Variants in FGF1 observed in about 807,000 individuals in gnomAD.
FGF1 encodes the protein fibroblast growth factor 1.
In FGF1, 9 loss-of-function variants were observed where a neutral mutation model predicts 13.4. That is an observed-to-expected ratio of 0.67 (90% CI 0.40 to 1.17). The LOEUF (loss-of-function observed/expected upper bound fraction) is 1.17, where lower values mean the gene tolerates loss of function less well. FGF1 is among the 50% of genes most tolerant of loss of function. The probability of loss-of-function intolerance (pLI) is 0.01; values close to 1 mark genes in which losing one functional copy is unlikely to be tolerated. For synonymous variants in FGF1, 93 were observed against 79.0 expected (o/e 1.18, Z -0.94); for missense variants, 156 against 192.7 (o/e 0.81, Z 1.13).
intron 2 of FGF1, among the ~76,000 whole-genome samples, chr5:142,608,931 T>C (rs775466972): frequency 4.6e-5 from 7 of 151,768 alleles, no homozygotes; most frequent in Admixed American, 2.6e-4. Context: ...TGTCGCGGAG[T>C]ACATTCCTGC....
At chr5:142,601,537 A>AACTGGG (rs1172026226) in intron 2 of FGF1, among the ~76,000 whole-genome samples, 319 of 152,158 alleles carry the variant, frequency 2.1e-3, no homozygotes, top group African/African-American at 7.3e-3. Flanking sequence ...TGATGAGAAC[A>AACTGGG]GTGGTTCTCA....
intron 2 of FGF1, among the ~76,000 whole-genome samples, chr5:142,693,272 G>A (rs1362594037): frequency 6.6e-6 from 1 of 151,932 alleles, no homozygotes; most frequent in African/African-American, 2.4e-5. Flanking sequence ...AGTGGTTTGG[G>A]TTTTTTAAAT....
intron 3 of FGF1, among the ~76,000 whole-genome samples, chr5:142,599,428 G>T (rs1240477595): frequency 6.6e-6 from 1 of 152,164 alleles, no homozygotes; most frequent in African/African-American, 2.4e-5. Flanking sequence ...GAGGGTTTCT[G>T]TGCCCTCTGT....
intron 1 of FGF1, among the ~76,000 whole-genome samples, chr5:142,681,174 A>G (rs962499392): frequency 1.3e-5 from 2 of 152,236 alleles, no homozygotes; most frequent in Non-Finnish European, 2.9e-5. Flanking sequence ...GCAATTTGGT[A>G]TAAAACAAAT....
chr5:142,668,675 G>C (rs962391176), intron 1 of FGF1, among the ~76,000 whole-genome samples: 2 of 152,194 alleles, frequency 1.3e-5, no homozygotes, highest in African/African-American at 4.8e-5. Context: ...TTGTCAAAAG[G>C]TTGCAACAAG....
intron 1 of FGF1, among the ~76,000 whole-genome samples, chr5:142,630,593 T>C (rs1763216254): frequency 6.6e-6 from 1 of 152,188 alleles, no homozygotes; most frequent in African/African-American, 2.4e-5. Flanking sequence ...TGGTCTGGCC[T>C]CACCTACGGC....
At chr5:142,620,332 G>A (rs1368455198) in intron 1 of FGF1, among the ~76,000 whole-genome samples, 1 of 152,016 alleles carries the variant, frequency 6.6e-6, no homozygotes, top group African/African-American at 2.4e-5. Context: ...GGAGGAAAAT[G>A]GTGTGAACCC....
intron 1 of FGF1, among the ~76,000 whole-genome samples, chr5:142,655,902 G>A (rs7735147): frequency 0.02 from 3,031 of 152,286 alleles, 79 homozygotes; most frequent in African/African-American, 0.06. Context: ...CCGCGCTGGT[G>A]AGATCAGAGG....
chr5:142,648,040 G>A (rs548545558), intron 1 of FGF1, among the ~76,000 whole-genome samples: 26 of 152,260 alleles, frequency 1.7e-4, no homozygotes, highest in African/African-American at 4.1e-4. Flanking sequence ...AGCCTAGATC[G>A]TGCCACTGCA....
At chr5:142,647,633 C>T (rs1766408403) in intron 1 of FGF1, among the ~76,000 whole-genome samples, 2 of 152,182 alleles carry the variant, frequency 1.3e-5, no homozygotes, top group Non-Finnish European at 2.9e-5. Context: ...GTTTCATATA[C>T]ACTTTATATA....
At chr5:142,646,355 A>G (rs1766108932) in intron 1 of FGF1, among the ~76,000 whole-genome samples, 1 of 150,298 alleles carries the variant, frequency 6.7e-6, no homozygotes, top group South Asian at 2.1e-4. Flanking sequence ...CACCGTGCCC[A>G]GCTAATTTTT....
At chr5:142,609,733 AT>A (rs1051272887) in intron 2 of FGF1, among the ~76,000 whole-genome samples, 3 of 152,138 alleles carry the variant, frequency 2.0e-5, no homozygotes, top group East Asian at 1.9e-4. Flanking sequence ...GATCAATACC[AT>A]TTTTTTTGAG....
chr5:142,642,111 A>T (rs1169212155), intron 1 of FGF1, among the ~76,000 whole-genome samples: 1 of 152,204 alleles, frequency 6.6e-6, no homozygotes, highest in African/African-American at 2.4e-5. Context: ...GAGTTAAGAG[A>T]ACCCTCTTCT....
chr5:142,646,750 C>T (rs560980609), intron 1 of FGF1, among the ~76,000 whole-genome samples: 92 of 152,248 alleles, frequency 6.0e-4, no homozygotes, highest in African/African-American at 2.2e-3. Flanking sequence ...CCTTGGCCTC[C>T]CAAAGTGCTA....
chr5:142,651,494 C>A (rs1767236049), intron 1 of FGF1, among the ~76,000 whole-genome samples: 1 of 152,170 alleles, frequency 6.6e-6, no homozygotes, highest in South Asian at 2.1e-4. Context: ...TGTGACACAT[C>A]ATTATCACCC....
At position 142,594,078 on chromosome 5, in the gene FGF1, G is replaced by A. The variant is rs1754773355; in HGVS notation, c.*1212C>T. The A allele has an allele frequency of 6.6e-6, 1 of 152,422 alleles. No individual in the cohort carries two copies. The highest frequency in any genetic ancestry group is 2.4e-5 in the African/African-American group (1 of 41,430). The allele number at this position is 152,422 out of a possible 1,614,324, so 9.4% of individuals were successfully genotyped here. The stretch of plus-strand genomic sequence containing the variant: ...TAGTACAGGCATAACTATTGTCAGT[G>A]CTGCCTGAATGCTCAGGTAGACTCA... On this transcript the variant is annotated 3_prime_UTR_variant, in exon 4 of 4. Transcript: ENST00000337706.
chr5:142,669,961 C>G (rs1189424735), intron 1 of FGF1, among the ~76,000 whole-genome samples: 1 of 152,138 alleles, frequency 6.6e-6, no homozygotes, highest in East Asian at 1.9e-4. Context: ...TACAGGATCA[C>G]AGCCTTCAAG....
At chr5:142,618,929 G>GTT (rs869093279) in intron 1 of FGF1, among the ~76,000 whole-genome samples, 2,258 of 60,644 alleles carry the variant, frequency 0.037, 42 homozygotes, top group East Asian at 0.046. Context: ...TAGTTGTTTT[G>GTT]TTTTTTTTTT....
At chr5:142,694,451 C>T (rs1009914034) in intron 2 of FGF1, among the ~76,000 whole-genome samples, 2 of 152,176 alleles carry the variant, frequency 1.3e-5, no homozygotes, top group Non-Finnish European at 2.9e-5. Context: ...ATCAAAGAAA[C>T]AAGATACACT....
Sources: allele counts gnomAD v4.1 joint callset (sites outside exome capture counted in the v4.1 genomes callset), GRCh38; gene constraint gnomAD v4.1.1; transcripts MANE v1.5; gene names NCBI Gene and HGNC (gene_info 2026-07-23, HGNC 2026-07-21).